Variants in GLB1 observed in about 807,000 individuals in gnomAD.
GLB1 encodes galactosidase beta 1, also known as beta-galactosidase.
Under a neutral mutation model 74.0 loss-of-function variants are expected in GLB1, and 56 were observed. The observed-to-expected ratio is 0.76, with a 90% confidence interval of 0.61 to 0.94. The LOEUF is 0.94. Among genes scored for constraint, GLB1 ranks in the 40% least tolerant of loss-of-function variants. The pLI is 0.00. For synonymous variants in GLB1, 323 were observed against 323.6 expected (o/e 1.00, Z 0.02); for missense variants, 787 against 845.5 (o/e 0.93, Z 0.86).
In GLB1 at chr3:33,093,278, CTTCACG is replaced by C; in HGVS notation, c.75+3727_75+3732del. The C allele has an allele frequency of 1.2e-6, 2 of 1,614,184 alleles. No individual in the cohort carries two copies. The highest frequency in any genetic ancestry group is 1.3e-5 in the African/African-American group (1 of 75,048). On this transcript the variant is annotated intron_variant, in intron 1 of 15. Coordinates refer to ENST00000307363, the MANE Select transcript of GLB1 (RefSeq NM_000404.4). This position sits in a 1 kb window ranked among gnomAD's most constrained non-coding sequence, Gnocchi z 6.0. ...CACGTTGGGCCCGTGTGGCGGAAAT[CTTCACG>C]TTCTCATTATGAAGAGGCTGGACAT...
chr3:33,033,396 T>A (rs1434557289), intron 10 of GLB1, among the ~76,000 whole-genome samples: 1 of 152,188 alleles, frequency 6.6e-6, no homozygotes, highest in African/African-American at 2.4e-5. Context: ...CAAATTTCAA[T>A]CAGCCAGGCT....
Position 33,058,204 on chromosome 3 carries a change from G to A in GLB1, c.618C>T (p.Arg206=), listed in dbSNP as rs1010924087. 2 of 1,614,148 alleles carry A rather than the reference G, an allele frequency of 1.2e-6. No individual in the cohort carries two copies. Among genetic ancestry groups the A allele is most frequent in the Non-Finnish European group, 1.7e-6 (2 of 1,180,032 alleles). Residue 206 remains arginine (R), a synonymous_variant, in exon 6 of 16, where the codon CGC becomes CGT. Coordinates refer to ENST00000307363, the MANE Select transcript of GLB1 (RefSeq NM_000404.4). Reference sequence around the variant, plus strand: ...CATCATCCCCCAGATGGTGGCGAAAGCGCTTCTGCAGGAAGCGCAGGTAGT... The same window carrying A: ...CATCATCCCCCAGATGGTGGCGAAAACGCTTCTGCAGGAAGCGCAGGTAGT... The part of the protein sequence containing the change: ...DFDYLRFLQK[R]FRHHLGDDVV...
intron 2 of GLB1, among the ~76,000 whole-genome samples, chr3:33,071,407 C>A (rs1699882100): frequency 6.6e-6 from 1 of 152,194 alleles, no homozygotes; most frequent in African/African-American, 2.4e-5. Context: ...GAGCAGCCAG[C>A]CACACCAACT....
At chr3:32,999,478 G>A (rs1412099416) in intron 15 of GLB1, among the ~76,000 whole-genome samples, 1 of 152,188 alleles carries the variant, frequency 6.6e-6, no homozygotes, top group Non-Finnish European at 1.5e-5. Context: ...CAAAGTGGAG[G>A]TTTGGTCCTT....
intron 10 of GLB1, chr3:33,037,914 C>T (rs1698341715): frequency 6.6e-6 from 1 of 151,154 alleles, no homozygotes; most frequent in Non-Finnish European, 1.5e-5. Flanking sequence ...AAGGAGGGTA[C>T]CTTGCCCACT....
chr3:32,965,065 T>C, the GLB1 span, among the ~76,000 whole-genome samples: 3 of 152,200 alleles, frequency 2.0e-5, no homozygotes, highest in Non-Finnish European at 4.4e-5. Context: ...TGAAACCTCT[T>C]TCCTTTATAA....
Position 33,068,868 on chromosome 3 carries a change from C to G in GLB1, c.348G>C (p.Leu116=), listed in dbSNP as rs889725989. The G allele has an allele frequency of 6.2e-7, 1 of 1,614,062 alleles. No individual in the cohort carries two copies. Among genetic ancestry groups the G allele is most frequent in the African/African-American group, 1.3e-5 (1 of 74,930 alleles). Residue 116 remains leucine, a synonymous_variant, in exon 3 of 16, where the codon CTG becomes CTC. Transcript: ENST00000307363. ...YFLRLAHELG[L]LVILRPGPYI... ...AGGGCCCGGGCCTCAGGATAACCAG[C>G]AGTCCCAGCTCATGAGCCAGCCGAA... is the stretch of plus-strand genomic sequence containing the variant.
chr3:33,052,625 A>G (rs77914409), intron 7 of GLB1: 7,117 of 153,334 alleles, frequency 0.046, 217 homozygotes, highest in Middle Eastern at 0.068. Flanking sequence ...GTGAGACTCC[A>G]TTTAAAAATA....
chr3:33,064,349 A>C (rs1054491121), intron 5 of GLB1, among the ~76,000 whole-genome samples: 1 of 146,406 alleles, frequency 6.8e-6, no homozygotes. Context: ...CTGACACAGG[A>C]GGGTCGCCTG....
At chr3:33,069,541 A>G (rs1206933133) in intron 2 of GLB1, among the ~76,000 whole-genome samples, 1 of 152,150 alleles carries the variant, frequency 6.6e-6, no homozygotes, top group Non-Finnish European at 1.5e-5. Flanking sequence ...TTGACTTACT[A>G]TTTACTATTG....
chr3:33,067,677 G>T (rs1281323030), intron 4 of GLB1, among the ~76,000 whole-genome samples: 1 of 152,062 alleles, frequency 6.6e-6, no homozygotes, highest in South Asian at 2.1e-4. Context: ...CCGCAAACAG[G>T]GTTCAATACC....
rs562658836 is a variant in GLB1 at position 33,070,842 on chromosome 3, C to T, written c.245+1702G>A. ...GCCAGGTGACAGAGCAAGACCCCAG[C>T]TCTAAAAAATTGTTTTAATAAATAA... is the stretch of plus-strand genomic sequence containing the variant. On this transcript the variant is annotated intron_variant, in intron 2 of 15. Coordinates refer to ENST00000307363, the MANE Select transcript of GLB1 (RefSeq NM_000404.4). 2.0e-5 allele frequency among the ~76,000 whole-genome samples: 3 copies of T among 152,176 alleles called. No individual in the cohort carries two copies. The South Asian group carries it at 6.2e-4, about 32-fold the overall frequency.
chr3:33,014,336 G>A, intron 14 of GLB1, 26 bp from the exon 15 acceptor site: 4 of 1,611,530 alleles, frequency 2.5e-6, no homozygotes, highest in Non-Finnish European at 3.4e-6. Context: ...AGAGCACAGT[G>A]AGCTGGGGAG....
intron 14 of GLB1, among the ~76,000 whole-genome samples, chr3:33,016,103 T>C (rs4350874): frequency 0.15 from 22,505 of 152,082 alleles, 1,744 homozygotes; most frequent in Non-Finnish European, 0.16. Context: ...TTCCTACAAG[T>C]GAAGAGTTTG....
At chr3:32,996,088 C>A (rs1046579818), downstream of GLB1, among the ~76,000 whole-genome samples, 2 of 152,174 alleles carry the variant, frequency 1.3e-5, no homozygotes, top group East Asian at 3.8e-4. Context: ...TCTGTGAGAT[C>A]TGGTAAACCG....
At chr3:33,008,842 G>C (rs369291387) in intron 15 of GLB1, among the ~76,000 whole-genome samples, 2 of 152,164 alleles carry the variant, frequency 1.3e-5, no homozygotes, top group African/African-American at 4.8e-5. Context: ...CGTGGTGGCC[G>C]GGCGCAGTGG....
intron 5 of GLB1, among the ~76,000 whole-genome samples, chr3:33,062,773 G>C (rs1480050061): frequency 6.6e-6 from 1 of 151,876 alleles, no homozygotes; most frequent in Non-Finnish European, 1.5e-5. Flanking sequence ...GTGACAGAGA[G>C]AGACTCTGTC....
chr3:33,030,296 TTA>T (rs759434337), intron 10 of GLB1: 71 of 164,264 alleles, frequency 4.3e-4, no homozygotes, highest in Non-Finnish European at 7.2e-4. Context: ...ACACTTGATC[TTA>T]GCCAAAAGAC....
chr3:33,008,995 T>A (rs1696899310), intron 15 of GLB1, among the ~76,000 whole-genome samples: 1 of 152,004 alleles, frequency 6.6e-6, no homozygotes, highest in African/African-American at 2.4e-5. Context: ...GGTGCATGCC[T>A]GTAATCCCAG....
Sources: allele counts gnomAD v4.1 joint callset (sites outside exome capture counted in the v4.1 genomes callset), GRCh38; gene constraint gnomAD v4.1.1; non-coding constraint Gnocchi (gnomAD v3.1); transcripts MANE v1.5; gene names NCBI Gene and HGNC (gene_info 2026-07-23, HGNC 2026-07-21).